The following ARSG variants were observed in gnomAD, a reference collection of about 807,000 sequenced individuals.
ARSG encodes ASG.
Under a neutral mutation model 50.5 loss-of-function variants are expected in ARSG, and 37 were observed. That is an observed-to-expected ratio of 0.73 (90% confidence interval 0.56 to 0.96). The LOEUF (loss-of-function observed/expected upper bound fraction) is 0.96. ARSG is among the 50% of genes least tolerant of loss of function. The probability of loss-of-function intolerance (pLI) is 0.00; values close to 1 mark genes in which losing one functional copy is unlikely to be tolerated. For synonymous variants in ARSG, 225 were observed against 254.6 expected (o/e 0.88, Z 1.11); for missense variants, 629 against 675.3 (o/e 0.93, Z 0.76).
chr17:68,275,764 G>A lies in ARSG; in HGVS notation c.-552+16338G>A, dbSNP rs568927818. Among the ~76,000 whole-genome samples the A allele has an allele frequency of 3.9e-5, 6 of 152,104 alleles. No homozygotes were observed. The South Asian group carries it at 8.3e-4, about 21-fold the overall frequency. On this transcript the variant is annotated intron_variant, in intron 1 of 11. Transcript: ENST00000448504. ...TGGGAGGCCGAAGCAGGTGGATCAC[G>A]AGTTCAGGAGTTAGAGACTAGCCTG...
chr17:68,430,973 C>G, the ARSG span, among the ~76,000 whole-genome samples: 2 of 152,120 alleles, frequency 1.3e-5, no homozygotes, highest in Admixed American at 1.3e-4. Context: ...GGTCTTTGGA[C>G]AAACCTCTCT....
At chr17:68,403,933 C>T (rs1015852849) in intron 11 of ARSG, among the ~76,000 whole-genome samples, 24 of 151,976 alleles carry the variant, frequency 1.6e-4, no homozygotes, top group Admixed American at 1.2e-3. Flanking sequence ...TGTTCAATTC[C>T]CACCTATGAG....
intron 2 of ARSG, among the ~76,000 whole-genome samples, chr17:68,308,935 C>T (rs892047237): frequency 2.6e-5 from 4 of 152,224 alleles, no homozygotes; most frequent in Admixed American, 2.6e-4. Flanking sequence ...TTTGGGTGGT[C>T]GATGGGACTG....
chr17:68,420,617 C>G lies in ARSG; in HGVS notation c.*154C>G. Reference sequence around the variant, plus strand: ...TTGCATATCCCTTCTGTATCCTGTCCCTCCTCCACGCCGACCCGAGAGCAG... The same window carrying G: ...TTGCATATCCCTTCTGTATCCTGTCGCTCCTCCACGCCGACCCGAGAGCAG... On this transcript the variant is annotated 3_prime_UTR_variant, in exon 12 of 12. Coordinates refer to ENST00000621439, the MANE Select transcript of ARSG (RefSeq NM_001267727.2). The G allele has an allele frequency of 1.1e-6, 1 of 893,302 alleles. No homozygotes were observed. The highest frequency in any genetic ancestry group is 2.5e-5 in the East Asian group (1 of 39,616). 55.3% of individuals were successfully genotyped at this position (893,302 alleles called of 1,614,324 possible).
chr17:68,426,242 T>TAG (rs1555798450), downstream of ARSG: 2 of 669,002 alleles, frequency 3.0e-6, no homozygotes, highest in Non-Finnish European at 4.4e-6. Flanking sequence ...ACCTGGCGGG[T>TAG]GGGGAGCGGG....
chr17:68,426,254 G>GGGCCC, downstream of ARSG: 1 of 816,918 alleles, frequency 1.2e-6, no homozygotes, highest in Admixed American at 2.3e-5. Flanking sequence ...GGGAGCGGGG[G>GGGCCC]CTCAAATAAA....
the ARSG span, among the ~76,000 whole-genome samples, chr17:68,445,572 C>T: frequency 6.6e-6 from 1 of 152,236 alleles, no homozygotes; most frequent in Non-Finnish European, 1.5e-5. Flanking sequence ...CTCTCTGGTG[C>T]TTGCTCTCCC....
Position 68,351,557 on chromosome 17 carries a change from C to T in ARSG, c.455-18C>T, listed in dbSNP as rs375874425. ...GTCGCAGCCACGTGGGGGTGCTAAC[C>T]GGTTGCTTCTATTCCAGGTTTTGAT... On this transcript the variant is annotated intron_variant, in intron 4 of 11. Coordinates refer to ENST00000621439, the MANE Select transcript of ARSG (RefSeq NM_001267727.2). The T allele has an allele frequency of 6.8e-4, 1,004 of 1,476,170 alleles. 2 individuals carry two copies. The highest frequency in any genetic ancestry group is 8.9e-4 in the Non-Finnish European group (937 of 1,054,290). 91.4% of individuals were successfully genotyped at this position (1,476,170 alleles called of 1,614,324 possible). A position where few individuals can be genotyped will look rare whatever the true frequency, so the allele number is the denominator to read the frequency against.
At chr17:68,396,007 T>G (rs35606315) in intron 10 of ARSG, among the ~76,000 whole-genome samples, 5,939 of 118,680 alleles carry the variant, frequency 0.05, 323 homozygotes, top group East Asian at 0.26. Context: ...AGCCTGTTTT[T>G]TTTTTTTGTT....
At chr17:68,428,979 G>T in the ARSG span, 1 of 1,483,142 alleles carries the variant, frequency 6.7e-7, no homozygotes. Flanking sequence ...CAACGAAGAT[G>T]GGCGATGGAT....
chr17:68,293,696 G>A (rs1003471155), intron 1 of ARSG, among the ~76,000 whole-genome samples: 13 of 152,104 alleles, frequency 8.5e-5, no homozygotes, highest in Non-Finnish European at 1.3e-4. Context: ...GGAAAGTGGA[G>A]GCACTGAGCA....
At chr17:68,419,796 G>GAA (rs34363131) in intron 11 of ARSG, among the ~76,000 whole-genome samples, 6,097 of 137,216 alleles carry the variant, frequency 0.044, 308 homozygotes, top group East Asian at 0.16. Flanking sequence ...CCTGTCTCTG[G>GAA]AAAAAAAAAA....
rs113598461 is a variant in ARSG, at chr17:68,282,947, C to CA, written c.-552+23537dup. 372 of 90,622 alleles carry CA rather than the reference C, an allele frequency of 4.1e-3. 3 individuals carry two copies. The highest frequency in any genetic ancestry group is 0.018 in the South Asian group (52 of 2,816). 5.6% of individuals were successfully genotyped at this position (90,622 alleles called of 1,614,324 possible). ...CGGGTGACAGTGCAAGACTCTGTCT[C>CA]AAAAAAAAAAAAAAAAGAAAGAAAA... On this transcript the variant is annotated intron_variant, in intron 1 of 11. Coordinates refer to the ARSG transcript ENST00000448504.
intron 1 of ARSG, chr17:68,274,369 G>C (rs1555750239): frequency 4.4e-6 from 1 of 226,876 alleles, no homozygotes; most frequent in Non-Finnish European, 9.0e-6. Flanking sequence ...GGCAGGCAGA[G>C]ATGGGAGGAT....
intron 4 of ARSG, among the ~76,000 whole-genome samples, chr17:68,351,300 G>A (rs1298411678): frequency 6.6e-6 from 1 of 151,630 alleles, no homozygotes; most frequent in South Asian, 2.1e-4. Context: ...TTTCGTTGAA[G>A]ATGTTAGGCA....
rs770292731 is a variant in ARSG at position 68,417,733 on chromosome 17, A to ATTTTTTTTTTTTTTTT, written c.1304-2439_1304-2424dup. On this transcript the variant is annotated intron_variant, in intron 11 of 11. Coordinates refer to ENST00000621439, the MANE Select transcript of ARSG (RefSeq NM_001267727.2). ...CAAAAGACCTAATAAGAGTTGCTGA[A>ATTTTTTTTTTTTTTTT]TTTTTTTTTTTTTTTTTTTTTTTTT... is the stretch of plus-strand genomic sequence containing the variant. 1.6e-4 allele frequency among the ~76,000 whole-genome samples: 10 copies of ATTTTTTTTTTTTTTTT among 60,832 alleles called. 1 individual carries two copies. The highest frequency in any genetic ancestry group is 2.0e-4 in the Non-Finnish European group (7 of 34,584). The allele number at this position is 60,832 out of a possible 152,430, so 39.9% of individuals were successfully genotyped here. A position where few individuals can be genotyped will look rare whatever the true frequency, so the allele number is the denominator to read the frequency against.
At chr17:68,361,296 G>T (rs1488550332) in intron 6 of ARSG, among the ~76,000 whole-genome samples, 1 of 152,198 alleles carries the variant, frequency 6.6e-6, no homozygotes, top group Non-Finnish European at 1.5e-5. Flanking sequence ...TGTATTAAAA[G>T]AAGAGAAAGA....
chr17:68,326,005 G>A (rs2077487713), intron 2 of ARSG, among the ~76,000 whole-genome samples: 1 of 152,170 alleles, frequency 6.6e-6, no homozygotes, highest in Non-Finnish European at 1.5e-5. Context: ...CAGGTAGAGT[G>A]CAGGACCCGA....
intron 11 of ARSG, among the ~76,000 whole-genome samples, chr17:68,416,709 G>A (rs377712217): frequency 6.6e-6 from 1 of 152,094 alleles, no homozygotes; most frequent in Admixed American, 6.6e-5. Flanking sequence ...TTAAGTCAAA[G>A]ACCTTGTCTT....
Sources: gnomAD v4.1 joint callset for allele counts (sites outside exome capture counted in the v4.1 genomes callset) on GRCh38, gnomAD v4.1.1 for gene constraint, MANE v1.5 for transcripts, NCBI Gene and HGNC (gene_info 2026-07-23, HGNC 2026-07-21) for gene names.